The following SUCLG1 variants were observed in gnomAD, a reference collection of about 807,000 sequenced individuals.
SUCLG1 encodes succinate--CoA ligase [ADP/GDP-forming] subunit alpha, mitochondrial.
Under a neutral mutation model 37.3 loss-of-function variants are expected in SUCLG1, and 26 were observed. That is an observed-to-expected ratio of 0.70 (90% CI 0.51 to 0.97). The LOEUF (loss-of-function observed/expected upper bound fraction) is 0.97. Among genes scored for constraint, SUCLG1 ranks in the 50% least tolerant of loss-of-function variants. The probability of loss-of-function intolerance (pLI) is 0.00; values close to 1 mark genes in which losing one functional copy is unlikely to be tolerated. For missense variants in SUCLG1, 433 were observed against 432.9 expected, an observed-to-expected ratio of 1.00 and a Z score of 0.00; for synonymous variants, 163 against 155.6, an observed-to-expected ratio of 1.05 and a Z score of -0.36.
At chr2:84,452,907 T>A (rs1672962043) in intron 1 of SUCLG1, among the ~76,000 whole-genome samples, 1 of 152,176 alleles carries the variant, frequency 6.6e-6, no homozygotes, top group Non-Finnish European at 1.5e-5. Flanking sequence ...TCGTCTCTTT[T>A]TCGGTGAGTT....
In SUCLG1 at chr2:84,443,338, T is replaced by C. The variant is rs763841748; in HGVS notation, c.264A>G (p.Pro88=). ...CCAGATGTGTCTGGCCTCCTTTCCCTGGAGTGGTTCCTCCAACGAGTTTGG... is the reference window on the plus strand; with the variant it reads ...CCAGATGTGTCTGGCCTCCTTTCCCCGGAGTGGTTCCTCCAACGAGTTTGG... ...YGTKLVGGTT[P]GKGGQTHLGL... is the part of the protein sequence containing the mutation. The change falls in exon 3 of 9, where the codon CCA becomes CCG. Residue 88 remains proline, a synonymous_variant. Coordinates refer to ENST00000393868, the MANE Select transcript of SUCLG1 (RefSeq NM_003849.4). 1 of 1,614,216 alleles carries C rather than the reference T, an allele frequency of 6.2e-7. No individual in the cohort carries two copies.
intron 7 of SUCLG1, among the ~76,000 whole-genome samples, chr2:84,429,485 T>C (rs1419769511): frequency 1.3e-5 from 2 of 152,196 alleles, no homozygotes; most frequent in Non-Finnish European, 2.9e-5. Context: ...TGACCTGTAT[T>C]GGTGCCCACT....
chr2:84,433,629 T>A, intron 5 of SUCLG1, 194 bp from the exon 6 acceptor site: 1 of 606,660 alleles, frequency 1.6e-6, no homozygotes, highest in Non-Finnish European at 3.0e-6. Context: ...GGGGGTTTTT[T>A]AATTTAGACA....
intron 7 of SUCLG1, among the ~76,000 whole-genome samples, chr2:84,429,055 T>C (rs1672577458): frequency 6.6e-6 from 1 of 152,226 alleles, no homozygotes; most frequent in Non-Finnish European, 1.5e-5. Context: ...ATTATCATCA[T>C]TGTAATGATA....
intron 6 of SUCLG1, 106 bp from the exon 7 acceptor site, chr2:84,431,765 C>G: frequency 8.5e-7 from 1 of 1,174,888 alleles, no homozygotes; most frequent in Non-Finnish European, 1.2e-6. Flanking sequence ...ACCCTTCTCT[C>G]TTATATTTTT....
intron 2 of SUCLG1, among the ~76,000 whole-genome samples, chr2:84,445,052 C>T (rs1199721631): frequency 6.6e-6 from 1 of 152,140 alleles, no homozygotes; most frequent in Non-Finnish European, 1.5e-5. Context: ...GACATACATC[C>T]TCCTCAGCTC....
At chr2:84,447,773 C>G (rs1672872057) in intron 2 of SUCLG1, among the ~76,000 whole-genome samples, 1 of 152,078 alleles carries the variant, frequency 6.6e-6, no homozygotes, top group South Asian at 2.1e-4. Context: ...CTCTGTCACC[C>G]AAGCTGGAGT....
chr2:84,439,478 G>C (rs2104251847), intron 5 of SUCLG1, among the ~76,000 whole-genome samples: 1 of 152,248 alleles, frequency 6.6e-6, no homozygotes, highest in East Asian at 1.9e-4. Context: ...AGTGATACAT[G>C]GATCTGGCCC....
chr2:84,442,216 C>A (rs1672785723), intron 3 of SUCLG1, among the ~76,000 whole-genome samples: 2 of 148,410 alleles, frequency 1.3e-5, no homozygotes. Flanking sequence ...AAAAGTCAAC[C>A]TAGAGGAATT....
rs577483096 is a variant in SUCLG1 at position 84,449,839 on chromosome 2, A to C, written c.98-87T>G. The C allele has an allele frequency of 6.4e-4, 721 of 1,130,576 alleles. 2 individuals are homozygous for C. The highest frequency in any genetic ancestry group is 6.1e-4 in the Non-Finnish European group (476 of 786,204). The allele number at this position is 1,130,576 out of a possible 1,614,324, so 70.0% of individuals were successfully genotyped here. A position where few individuals can be genotyped will look rare whatever the true frequency, so the allele number is the denominator to read the frequency against. On this transcript the variant is annotated intron_variant, in intron 1 of 8. Coordinates refer to ENST00000393868, the MANE Select transcript of SUCLG1 (RefSeq NM_003849.4). ...TGAACAATAATTCAACTTGATCACAAAAAAAAAATTCTTTAATGCACGCGC... is the reference window on the plus strand; with the variant it reads ...TGAACAATAATTCAACTTGATCACACAAAAAAAATTCTTTAATGCACGCGC...
chr2:84,437,431 T>C (rs1672705021), intron 5 of SUCLG1, among the ~76,000 whole-genome samples: 2 of 152,176 alleles, frequency 1.3e-5, no homozygotes. Context: ...TAAAAATCTA[T>C]AAAAAGATAA....
chr2:84,430,852 C>A (rs1176818739), intron 7 of SUCLG1, among the ~76,000 whole-genome samples: 1 of 152,118 alleles, frequency 6.6e-6, no homozygotes, highest in East Asian at 1.9e-4. Flanking sequence ...CTGGTGGCCA[C>A]CACACTGCTT....
chr2:84,455,590 C>CT (rs1673007107), intron 1 of SUCLG1, among the ~76,000 whole-genome samples: 1 of 151,406 alleles, frequency 6.6e-6, no homozygotes, highest in Non-Finnish European at 1.5e-5. Flanking sequence ...AATCCCAGCA[C>CT]TTTGGGAGGC....
At position 84,441,113 on chromosome 2, in the gene SUCLG1, AATC is replaced by A. The variant is rs760236068; in HGVS notation, c.532-12_532-10del. The stretch of plus-strand genomic sequence containing the variant: ...ATTTTACATTCTCCAGGCTGAAAGT[AATC>A]ATAGTTTTCAGAAATGTTAAAAAAA... On this transcript the variant is annotated splice_polypyrimidine_tract_variant and intron_variant, in intron 4 of 8. Transcript: ENST00000393868. The A allele has an allele frequency of 4.5e-5, 72 of 1,613,914 alleles. No homozygotes were observed. The highest frequency in any genetic ancestry group is 5.5e-5 in the Non-Finnish European group (65 of 1,179,950).
At chr2:84,440,266 G>A (rs968726857) in intron 5 of SUCLG1, among the ~76,000 whole-genome samples, 3 of 152,098 alleles carry the variant, frequency 2.0e-5, no homozygotes, top group African/African-American at 7.2e-5. Context: ...CCAGCTACTC[G>A]GGAGGCTAAG....
chr2:84,432,120 A>C (rs1384190934), intron 6 of SUCLG1, among the ~76,000 whole-genome samples: 1 of 152,180 alleles, frequency 6.6e-6, no homozygotes. Context: ...ATCACCCACA[A>C]GTTTTAAGAC....
intron 3 of SUCLG1, chr2:84,443,071 C>A (rs1672798609): frequency 3.5e-6 from 2 of 564,590 alleles, no homozygotes; most frequent in African/African-American, 3.8e-5. Flanking sequence ...CCAACAGAAG[C>A]CTGGCCACAG....
intron 7 of SUCLG1, among the ~76,000 whole-genome samples, chr2:84,427,873 T>G (rs1435210634): frequency 6.6e-6 from 1 of 152,228 alleles, no homozygotes; most frequent in Non-Finnish European, 1.5e-5. Flanking sequence ...TTTAATAAAA[T>G]TAATAATTTG....
At chr2:84,458,014 C>A (rs529460014) in intron 1 of SUCLG1, among the ~76,000 whole-genome samples, 1 of 151,748 alleles carries the variant, frequency 6.6e-6, no homozygotes, top group Non-Finnish European at 1.5e-5. Context: ...GGAATTAAGT[C>A]TCATAAAATA....
Sources: allele counts gnomAD v4.1 joint callset (sites outside exome capture counted in the v4.1 genomes callset), GRCh38; gene constraint gnomAD v4.1.1; transcripts MANE v1.5; gene names NCBI Gene and HGNC (gene_info 2026-07-23, HGNC 2026-07-21).